The following SDAD1 variants were observed in gnomAD, a reference collection of about 807,000 sequenced individuals.
SDAD1 encodes protein SDA1 homolog.
A neutral mutation model predicts 100.3 loss-of-function variants in SDAD1; 79 were observed. The observed-to-expected ratio is 0.79, with a 90% confidence interval of 0.66 to 0.95. The LOEUF (loss-of-function observed/expected upper bound fraction) is 0.95, where lower values mean the gene tolerates loss of function less well. Ranked by LOEUF, SDAD1 falls within the 40% of genes least tolerant of loss-of-function variation. SDAD1 has a pLI of 0.00. For missense variants in SDAD1, 790 were observed against 810.9 expected, an observed-to-expected ratio of 0.97 and a Z score of 0.31; for synonymous variants, 267 against 271.4, an observed-to-expected ratio of 0.98 and a Z score of 0.16.
intron 21 of SDAD1, among the ~76,000 whole-genome samples, chr4:75,951,457 A>G (rs957120706): frequency 2.0e-5 from 3 of 152,218 alleles, no homozygotes; most frequent in Non-Finnish European, 4.4e-5. Context: ...CAAAATATTT[A>G]TTCTAGTTAA....
Position 75,971,446 on chromosome 4 carries a change from T to A in SDAD1, c.724A>T (p.Thr242Ser). Residue 242 changes from threonine to serine, a missense_variant, in exon 9 of 22, where the codon ACA becomes TCA. Transcript: ENST00000356260. Reference protein sequence around the residue: ...SDSESEDDGPTARDLLVQYAT... With the variant: ...SDSESEDDGPSARDLLVQYAT... ...TATTGTACTAGCAGGTCTCTTGCTG[T>A]TGGTCCATCATCCTAAAGAAGAAAT... The A allele has an allele frequency of 1.9e-6, 3 of 1,611,736 alleles. No homozygotes were observed. The highest frequency in any genetic ancestry group is 2.5e-6 in the Non-Finnish European group (3 of 1,178,326).
At chr4:75,975,010 C>G (rs1030940160) in intron 6 of SDAD1, among the ~76,000 whole-genome samples, 1 of 151,838 alleles carries the variant, frequency 6.6e-6, no homozygotes, top group African/African-American at 2.4e-5. Context: ...CCACTGCACT[C>G]CAGCCTGGTG....
At chr4:75,990,608 C>G (rs1001998465) in intron 1 of SDAD1, 144 bp downstream of exon 1, 1 of 1,570,546 alleles carries the variant, frequency 6.4e-7, no homozygotes, top group Non-Finnish European at 8.6e-7. Context: ...CGTCCCCAAC[C>G]CCTTCTCTCC....
intron 12 of SDAD1, among the ~76,000 whole-genome samples, chr4:75,966,088 C>A (rs1729523214): frequency 6.6e-6 from 1 of 152,104 alleles, no homozygotes; most frequent in South Asian, 2.1e-4. Flanking sequence ...ATCCTGCTTC[C>A]TTTTCCTTCA....
At chr4:75,978,796 T>G (rs1181375050) in intron 3 of SDAD1, among the ~76,000 whole-genome samples, 2 of 150,012 alleles carry the variant, frequency 1.3e-5, no homozygotes, top group African/African-American at 4.9e-5. Flanking sequence ...GGCAATGTAG[T>G]GAGACCTTGT....
chr4:75,960,391 C>T (rs1729163499), intron 16 of SDAD1, among the ~76,000 whole-genome samples, 199 bp from the exon 17 acceptor site: 1 of 152,182 alleles, frequency 6.6e-6, no homozygotes, highest in Admixed American at 6.5e-5. Context: ...ATCCACCCAC[C>T]TCAGCCTCCC....
At chr4:75,980,316 A>G (rs958350162) in intron 3 of SDAD1, among the ~76,000 whole-genome samples, 3 of 152,216 alleles carry the variant, frequency 2.0e-5, no homozygotes, top group South Asian at 2.1e-4. Context: ...TCAAATTACT[A>G]AAATCCTAAA....
intron 2 of SDAD1, 183 bp from the exon 3 acceptor site, chr4:75,981,653 G>T: frequency 1.9e-6 from 2 of 1,040,164 alleles, no homozygotes; most frequent in Non-Finnish European, 2.8e-6. Flanking sequence ...GGTTTCTCTA[G>T]TCTTAGTAAT....
rs771125891 is a variant in SDAD1 at position 75,970,355 on chromosome 4, T to C, written c.837A>G (p.Pro279=). 2.6e-5 allele frequency: 42 copies of C among 1,613,720 alleles called. No individual in the cohort carries two copies. In the Admixed American group the frequency reaches 2.7e-4, roughly 10 times the overall value. ...VLKKQKKKKK[P]EVFNFSAIHL... ...GAATGGCTGAAAAGTTAAACACCTC[T>C]GGTTTTTTCTTCTTTTTTTGTTTCT... The change falls in exon 10 of 22, where the codon CCA becomes CCG. Residue 279 remains proline, a synonymous_variant. Transcript: ENST00000356260.
rs1730120133 is a variant in SDAD1 at position 75,975,735 on chromosome 4, A to G, written c.578+9T>C. The G allele has an allele frequency of 6.3e-7, 1 of 1,588,482 alleles. No homozygotes were observed. Among genetic ancestry groups the G allele is most frequent in the South Asian group, 1.1e-5 (1 of 90,500 alleles). ...TCTACTTCTCAAGAGACAAATATATATACACTACCAGATGTTCCTTCTGTA... is the reference window on the plus strand; with the variant it reads ...TCTACTTCTCAAGAGACAAATATATGTACACTACCAGATGTTCCTTCTGTA... On this transcript the variant is annotated intron_variant, in intron 6 of 21. Transcript: ENST00000356260.
intron 20 of SDAD1, 121 bp from the exon 21 acceptor site, chr4:75,956,257 A>G: frequency 9.9e-7 from 1 of 1,005,370 alleles, no homozygotes; most frequent in Non-Finnish European, 1.5e-6. Flanking sequence ...CAGAATGGAC[A>G]GGACACAGTC....
At chr4:75,966,573 C>T (rs1435006957) in intron 12 of SDAD1, among the ~76,000 whole-genome samples, 1 of 152,172 alleles carries the variant, frequency 6.6e-6, no homozygotes, top group Non-Finnish European at 1.5e-5. Context: ...AAGACAAGAA[C>T]AATCATCTCT....
At position 75,967,261 on chromosome 4, in the gene SDAD1, G is replaced by T. The variant is rs1729599659; in HGVS notation, c.1045+16C>A. ...TTACCAAGGCCACCAAAGAAACATG[G>T]CAAGTGGCAGCTTACCTCTTTGGTG... On this transcript the variant is annotated intron_variant, in intron 12 of 21. Transcript: ENST00000356260. The T allele has an allele frequency of 6.2e-7, 1 of 1,612,366 alleles. No individual in the cohort carries two copies. The highest frequency in any genetic ancestry group is 1.7e-5 in the Admixed American group (1 of 59,998).
At chr4:75,964,341 G>A in intron 13 of SDAD1, 130 bp from the exon 14 acceptor site, 1 of 664,446 alleles carries the variant, frequency 1.5e-6, no homozygotes, top group Non-Finnish European at 2.6e-6. Flanking sequence ...GGAATTGGAA[G>A]TAATCAAGAT....
chr4:75,971,547 A>ATACTC lies in SDAD1; in HGVS notation c.712-94_712-90dup, dbSNP rs1729869117. ...ACCTTTCAGCCACTTCTTCGTTCTTATACTCTTTGCACACAGCTATTAAAA... is the reference window on the plus strand; with the variant it reads ...ACCTTTCAGCCACTTCTTCGTTCTTATACTCTACTCTTTGCACACAGCTATTAAAA... On this transcript the variant is annotated intron_variant, in intron 8 of 21. Coordinates refer to ENST00000356260, the MANE Select transcript of SDAD1 (RefSeq NM_018115.4). 2.9e-5 allele frequency: 27 copies of ATACTC among 934,984 alleles called. No homozygotes were observed. The Middle Eastern group carries it at 6.6e-4, about 23-fold the overall frequency. 57.9% of individuals were successfully genotyped at this position (934,984 alleles called of 1,614,324 possible).
At chr4:75,955,184 A>G (rs1239026942) in intron 21 of SDAD1, among the ~76,000 whole-genome samples, 1 of 152,170 alleles carries the variant, frequency 6.6e-6, no homozygotes, top group Non-Finnish European at 1.5e-5. Flanking sequence ...TCTGCATACC[A>G]ATGTTATGTT....
intron 11 of SDAD1, among the ~76,000 whole-genome samples, chr4:75,968,030 GAGC>G (rs1729645916): frequency 6.6e-6 from 1 of 152,198 alleles, no homozygotes; most frequent in African/African-American, 2.4e-5. Context: ...TTTAGCCACA[GAGC>G]AAAAGTAGGA....
At chr4:75,984,688 A>C (rs1462707824) in intron 1 of SDAD1, among the ~76,000 whole-genome samples, 1 of 151,770 alleles carries the variant, frequency 6.6e-6, no homozygotes, top group Non-Finnish European at 1.5e-5. Flanking sequence ...ACCAGGCCTC[A>C]ATTCCACAGT....
chr4:75,990,864 G>A lies in SDAD1; in HGVS notation c.-23C>T, dbSNP rs114334606. 3.1e-4 allele frequency: 499 copies of A among 1,613,948 alleles called. 2 individuals are homozygous for A. In the African/African-American group the frequency reaches 5.7e-3, roughly 18 times the overall value. ...CATTTTGGCTGCAGACAGACTTCGC[G>A]GCGAGCAGTTTTAAAAAAACTCAGA... On this transcript the variant is annotated 5_prime_UTR_variant, in exon 1 of 22. Coordinates refer to ENST00000356260, the MANE Select transcript of SDAD1 (RefSeq NM_018115.4).
Sources: gnomAD v4.1 joint callset for allele counts (sites outside exome capture counted in the v4.1 genomes callset) on GRCh38, gnomAD v4.1.1 for gene constraint, MANE v1.5 for transcripts, NCBI Gene and HGNC (gene_info 2026-07-23, HGNC 2026-07-21) for gene names.